Variants in MSS51 observed in about 807,000 individuals in gnomAD.
MSS51 encodes MSS51 mitochondrial translational activator.
A neutral mutation model predicts 40.2 loss-of-function variants in MSS51; 32 were observed. The observed-to-expected ratio is 0.80, with a 90% confidence interval of 0.60 to 1.07. The LOEUF is 1.07. Among genes scored for constraint, MSS51 ranks in the 50% least tolerant of loss-of-function variants. The probability of loss-of-function intolerance (pLI) is 0.00; values close to 1 mark genes in which losing one functional copy is unlikely to be tolerated. For synonymous variants in MSS51, 178 were observed against 214.2 expected (o/e 0.83, Z 1.48); for missense variants, 518 against 568.9 (o/e 0.91, Z 0.91).
chr10:73,427,436 C>G, intron 3 of MSS51, among the ~76,000 whole-genome samples, 177 bp downstream of exon 3: 1 of 151,966 alleles, frequency 6.6e-6, no homozygotes, highest in Non-Finnish European at 1.5e-5. Flanking sequence ...TGCCACCACA[C>G]CAGGCTAATT....
intron 6 of MSS51, 40 bp from the exon 7 acceptor site, chr10:73,424,812 G>A (rs1391062044): frequency 2.0e-6 from 3 of 1,532,652 alleles, no homozygotes; most frequent in Non-Finnish European, 2.7e-6. Context: ...TACTGATTGT[G>A]ACAGAGATAA....
At position 73,424,482 on chromosome 10, in the gene MSS51, C is replaced by T; in HGVS notation, c.*71G>A. On this transcript the variant is annotated 3_prime_UTR_variant, in exon 7 of 7. Transcript: ENST00000299432. ...AGAATATAATGTTTTTCAAAGTTTG[C>T]AAGAACCTGGCATTAGCAGGGTAAT... 1 of 1,215,936 alleles carries T rather than the reference C, an allele frequency of 8.2e-7. No homozygotes were observed. The highest frequency in any genetic ancestry group is 1.2e-6 in the Non-Finnish European group (1 of 825,920). 75.3% of individuals were successfully genotyped at this position (1,215,936 alleles called of 1,614,324 possible).
rs2055984916 is a variant in MSS51 at position 73,426,018 on chromosome 10, A to G, written c.862T>C (p.Tyr288His). 6.2e-7 allele frequency: 1 copy of G among 1,614,106 alleles called. No individual in the cohort carries two copies. Among genetic ancestry groups the G allele is most frequent in the African/African-American group, 1.3e-5 (1 of 74,936 alleles). Residue 288 changes from tyrosine (Y) to histidine (H), a missense_variant, in exon 5 of 7, where the codon TAC becomes CAC. By Grantham distance (83) the Tyr-to-His change is moderately conservative. Transcript: ENST00000299432. ...TRPGDYDELGYMFPGHLGLRV... is the reference protein window; with the variant it reads ...TRPGDYDELGHMFPGHLGLRV... ...AGTCCAAGGTGCCCAGGAAACATGTAACCAAGCTCATCATAGTCCCCTGGG... is the reference window on the plus strand; with the variant it reads ...AGTCCAAGGTGCCCAGGAAACATGTGACCAAGCTCATCATAGTCCCCTGGG...
chr10:73,426,009 G>C lies in MSS51; in HGVS notation c.871C>G (p.Pro291Ala), dbSNP rs781742879. ...ACCACACGGAGTCCAAGGTGCCCAG[G>C]AAACATGTAACCAAGCTCATCATAG... is the stretch of plus-strand genomic sequence containing the variant. Reference protein sequence around the residue: ...GDYDELGYMFPGHLGLRVVMV... With the variant: ...GDYDELGYMFAGHLGLRVVMV... Residue 291 changes from proline (P) to alanine (A), a missense_variant, in exon 5 of 7, where the codon CCT becomes GCT. Coordinates refer to ENST00000299432, the MANE Select transcript of MSS51 (RefSeq NM_001024593.2). 1 of 1,614,178 alleles carries C rather than the reference G, an allele frequency of 6.2e-7. No individual in the cohort carries two copies.
At position 73,426,311 on chromosome 10, in the gene MSS51, C is replaced by G. The variant is rs760889515; in HGVS notation, c.569G>C (p.Trp190Ser). The change falls in exon 5 of 7, where the codon TGG (tryptophan) becomes TCG (serine). Residue 190 changes from tryptophan (W) to serine (S), a missense_variant. By Grantham distance (177) the Trp-to-Ser change is radical. Transcript: ENST00000299432. ...PPEAVQDWDSWFSMKGLHLDA... is the reference protein window; with the variant it reads ...PPEAVQDWDSSFSMKGLHLDA... Reference sequence around the variant, plus strand: ...TAGGTGTAACCCCTTCATAGAAAACCAGGAGTCCCAGTCCTGTACAGCTTC... The same window carrying G: ...TAGGTGTAACCCCTTCATAGAAAACGAGGAGTCCCAGTCCTGTACAGCTTC... 5 of 1,605,604 alleles carry G rather than the reference C, an allele frequency of 3.1e-6. No individual in the cohort carries two copies. The highest frequency in any genetic ancestry group is 3.3e-5 in the Admixed American group (2 of 59,996).
In MSS51 at chr10:73,424,621, T is replaced by C. The variant is rs150321188; in HGVS notation, c.1315A>G (p.Met439Val). 56 of 1,614,104 alleles carry C rather than the reference T, an allele frequency of 3.5e-5. No individual in the cohort carries two copies. In the African/African-American group the frequency reaches 6.9e-4, roughly 20 times the overall value. The change falls in exon 7 of 7, where the codon ATG becomes GTG. Residue 439 changes from methionine to valine, a missense_variant. Met to Val is a conservative substitution (Grantham distance 21). Coordinates refer to ENST00000299432, the MANE Select transcript of MSS51 (RefSeq NM_001024593.2). ...QPVYCSAYYI[M>V]FLGSSCQLDN... is the part of the protein sequence containing the mutation. ...AGCTGACAGGAGCTTCCAAGAAACATGATATAGTATGCACTGCAGTATACT... is the reference window on the plus strand; with the variant it reads ...AGCTGACAGGAGCTTCCAAGAAACACGATATAGTATGCACTGCAGTATACT...
chr10:73,428,398 GTC>G, intron 1 of MSS51, 97 bp from the exon 2 acceptor site: 1 of 916,240 alleles, frequency 1.1e-6, no homozygotes, highest in Non-Finnish European at 1.6e-6. Flanking sequence ...TCTCATTCCA[GTC>G]TCTCAGACCC....
At position 73,425,722 on chromosome 10, in the gene MSS51, C is replaced by T. The variant is rs1212658629; in HGVS notation, c.1069+89G>A. 2.5e-6 allele frequency: 3 copies of T among 1,184,744 alleles called. No homozygotes were observed. In the African/African-American group the frequency reaches 4.6e-5, roughly 18 times the overall value. The allele number at this position is 1,184,744 out of a possible 1,614,324, so 73.4% of individuals were successfully genotyped here. A position where few individuals can be genotyped will look rare whatever the true frequency, so the allele number is the denominator to read the frequency against. ...GTCATCATATTGTGTTTAATGAGAC[C>T]AAATGAATGGGGTTCCAAAGACAGA... On this transcript the variant is annotated intron_variant, in intron 5 of 6. Coordinates refer to ENST00000299432, the MANE Select transcript of MSS51 (RefSeq NM_001024593.2).
chr10:73,430,683 G>T (rs1269622445), intron 1 of MSS51, among the ~76,000 whole-genome samples: 2 of 151,622 alleles, frequency 1.3e-5, no homozygotes, highest in Non-Finnish European at 2.9e-5. Flanking sequence ...AATGTAAAAT[G>T]GTGCCACCAC....
At chr10:73,428,930 C>T (rs1029687770) in intron 1 of MSS51, among the ~76,000 whole-genome samples, 3 of 151,560 alleles carry the variant, frequency 2.0e-5, no homozygotes, top group East Asian at 1.9e-4. Flanking sequence ...AACAGCTGGG[C>T]GTGGTGGCTC....
Position 73,427,736 on chromosome 10 carries a change from C to T in MSS51, c.254G>A (p.Gly85Asp), listed in dbSNP as rs762858878. 2 of 1,614,054 alleles carry T rather than the reference C, an allele frequency of 1.2e-6. No individual in the cohort carries two copies. The highest frequency in any genetic ancestry group is 1.7e-6 in the Non-Finnish European group (2 of 1,180,028). Reference protein sequence around the residue: ...LVVDGGTPVSGFGFRCPQEMF... With the variant: ...LVVDGGTPVSDFGFRCPQEMF... ...TTCTTGAGGACATCGAAATCCAAAG[C>T]CTGATACGGGGGTACCCCCATCTAC... is the stretch of plus-strand genomic sequence containing the variant. Residue 85 changes from glycine (G) to aspartate (D), a missense_variant, in exon 3 of 7, where the codon GGC becomes GAC. By Grantham distance (94) the Gly-to-Asp change is moderately conservative. Coordinates refer to ENST00000299432, the MANE Select transcript of MSS51 (RefSeq NM_001024593.2).
In MSS51 at chr10:73,426,525, A is replaced by C. The variant is rs1195113418; in HGVS notation, c.502+82T>G. On this transcript the variant is annotated intron_variant, in intron 4 of 6. Transcript: ENST00000299432. Reference sequence around the variant, plus strand: ...CTTTGCCCCACTTCCTCATTTTTTCATAACAATATGATTTTGTATCTTCCT... The same window carrying C: ...CTTTGCCCCACTTCCTCATTTTTTCCTAACAATATGATTTTGTATCTTCCT... 23 of 1,599,040 alleles carry C rather than the reference A, an allele frequency of 1.4e-5. No individual in the cohort carries two copies. The Admixed American group carries it at 3.4e-4, about 24-fold the overall frequency.
Position 73,426,305 on chromosome 10 carries a change from G to A in MSS51, c.575C>T (p.Ser192Phe), listed in dbSNP as rs772177015. The change falls in exon 5 of 7, where the codon TCT (serine) becomes TTT (phenylalanine). Residue 192 changes from serine to phenylalanine, a missense_variant. Physicochemically the swap from Ser to Phe is radical, Grantham distance 155 (BLOSUM62 -2). Transcript: ENST00000299432. ...EAVQDWDSWF[S>F]MKGLHLDATL... Reference sequence around the variant, plus strand: ...AGCATCTAGGTGTAACCCCTTCATAGAAAACCAGGAGTCCCAGTCCTGTAC... The same window carrying A: ...AGCATCTAGGTGTAACCCCTTCATAAAAAACCAGGAGTCCCAGTCCTGTAC... 2 of 1,606,856 alleles carry A rather than the reference G, an allele frequency of 1.2e-6. No homozygotes were observed. Among genetic ancestry groups the A allele is most frequent in the Non-Finnish European group, 1.7e-6 (2 of 1,179,992 alleles).
At position 73,426,095 on chromosome 10, in the gene MSS51, C is replaced by A; in HGVS notation, c.785G>T (p.Gly262Val). 6.2e-7 allele frequency: 1 copy of A among 1,614,210 alleles called. No individual in the cohort carries two copies. Among genetic ancestry groups the A allele is most frequent in the East Asian group, 2.2e-5 (1 of 44,890 alleles). The change falls in exon 5 of 7, where the codon GGA becomes GTA. Residue 262 changes from glycine to valine, a missense_variant. Physicochemically the swap from Gly to Val is moderately radical, Grantham distance 109. Transcript: ENST00000299432. The stretch of plus-strand genomic sequence containing the variant: ...AGCACCAACCACATGCACTGTGCTT[C>A]CCCCAGTCCTCCTAACATCTATCCC... Reference protein sequence around the residue: ...ALGIDVRRTGGSTVHVVGASH... With the variant: ...ALGIDVRRTGVSTVHVVGASH...
In MSS51 at chr10:73,426,071, G is replaced by T; in HGVS notation, c.809C>A (p.Ala270Asp). 6.2e-7 allele frequency: 1 copy of T among 1,614,222 alleles called. No homozygotes were observed. Among genetic ancestry groups the T allele is most frequent in the Non-Finnish European group, 8.5e-7 (1 of 1,180,040 alleles). The stretch of plus-strand genomic sequence containing the variant: ...AGTAAGAAATGTCTCCACATGGGAA[G>T]CACCAACCACATGCACTGTGCTTCC... ...TGGSTVHVVG[A>D]SHVETFLTRP... Residue 270 changes from alanine (A) to aspartate (D), a missense_variant, in exon 5 of 7, where the codon GCT becomes GAT. Ala to Asp is a moderately radical substitution (Grantham distance 126). Transcript: ENST00000299432.
chr10:73,425,731 G>T, intron 5 of MSS51, 80 bp downstream of exon 5: 1 of 1,239,710 alleles, frequency 8.1e-7, no homozygotes, highest in East Asian at 2.3e-5. Context: ...CCAAATGAAT[G>T]GGGTTCCAAA....
At chr10:73,432,011 C>T (rs1402925859) in intron 1 of MSS51, among the ~76,000 whole-genome samples, 2 of 152,072 alleles carry the variant, frequency 1.3e-5, no homozygotes, top group Non-Finnish European at 2.9e-5. Flanking sequence ...TCTACTCTAC[C>T]CACCTGCCTC....
intron 1 of MSS51, among the ~76,000 whole-genome samples, chr10:73,429,897 T>C (rs1026423840): frequency 1.3e-5 from 2 of 152,174 alleles, no homozygotes; most frequent in African/African-American, 2.4e-5. Flanking sequence ...AAAGCACTAA[T>C]GGGAGATCAG....
At position 73,426,343 on chromosome 10, in the gene MSS51, C is replaced by T; in HGVS notation, c.537G>A (p.Trp179Ter). 3 of 1,603,102 alleles carry T rather than the reference C, an allele frequency of 1.9e-6. No homozygotes were observed. Among genetic ancestry groups the T allele is most frequent in the African/African-American group, 1.3e-5 (1 of 75,058 alleles). ...DFVLPSGPWP[W>*]PPEAVQDWDS... ...CCCAGTCCTGTACAGCTTCAGGTGG[C>T]CATGGCCAAGGTCCTGAGGGTAGAA... The change falls in exon 5 of 7, where the codon TGG (tryptophan) becomes TGA (stop). Residue 179 changes from tryptophan (W) to a stop codon, truncating the protein, a stop_gained. Coordinates refer to ENST00000299432, the MANE Select transcript of MSS51 (RefSeq NM_001024593.2). LOFTEE classifies it high-confidence loss of function.
Sources: allele counts gnomAD v4.1 joint callset (sites outside exome capture counted in the v4.1 genomes callset), GRCh38; gene constraint gnomAD v4.1.1; transcripts MANE v1.5; gene names NCBI Gene and HGNC (gene_info 2026-07-23, HGNC 2026-07-21).